The following CWC27 variants were observed in gnomAD, a reference collection of about 807,000 sequenced individuals.
CWC27 encodes CWC27 spliceosome associated cyclophilin.
Under a neutral mutation model 63.6 loss-of-function variants are expected in CWC27, and 47 were observed. That is an observed-to-expected ratio of 0.74 (90% CI 0.58 to 0.94). The LOEUF is 0.94. CWC27 is among the 40% of genes least tolerant of loss of function. CWC27 has a pLI of 0.00. For missense variants in CWC27, 495 were observed against 554.3 expected (o/e 0.89, Z 1.07); for synonymous variants, 175 against 179.8 (o/e 0.97, Z 0.22).
chr5:64,914,056 A>G (rs761578863), intron 11 of CWC27, among the ~76,000 whole-genome samples: 6 of 152,194 alleles, frequency 3.9e-5, no homozygotes, highest in Non-Finnish European at 8.8e-5. Context: ...CTGAAAAGCA[A>G]GGAAAAAGGA....
chr5:64,785,498 A>G lies in CWC27; in HGVS notation c.414A>G (p.Val138=), dbSNP rs762134607. 4 of 1,528,990 alleles carry G rather than the reference A, an allele frequency of 2.6e-6. No individual in the cohort carries two copies. The highest frequency in any genetic ancestry group is 3.5e-6 in the Non-Finnish European group (4 of 1,142,932). 94.7% of individuals were successfully genotyped at this position (1,528,990 alleles called of 1,614,324 possible). A position where few individuals can be genotyped will look rare whatever the true frequency, so the allele number is the denominator to read the frequency against. ...TTTGATAGGTTACAGGGGATACAGTATATAACATGTTGCGACTGTCAGAAG... is the reference window on the plus strand; with the variant it reads ...TTTGATAGGTTACAGGGGATACAGTGTATAACATGTTGCGACTGTCAGAAG... The part of the protein sequence containing the change: ...TIFGKVTGDT[V]YNMLRLSEVD... The change falls in exon 5 of 14, where the codon GTA becomes GTG. Residue 138 remains valine, a synonymous_variant. Transcript: ENST00000381070.
chr5:64,776,043 AAG>A (rs1417031640), intron 2 of CWC27, among the ~76,000 whole-genome samples: 3 of 146,368 alleles, frequency 2.0e-5, no homozygotes, highest in African/African-American at 7.8e-5. Flanking sequence ...CCCTCTCCAA[AAG>A]AGAGAGGTGG....
chr5:64,903,356 A>AT (rs1395073202), intron 11 of CWC27, among the ~76,000 whole-genome samples: 3 of 152,230 alleles, frequency 2.0e-5, no homozygotes, highest in Non-Finnish European at 4.4e-5. Context: ...TAAAAAAATA[A>AT]TCAGTTCATG....
chr5:64,809,447 A>C (rs1380417916), intron 10 of CWC27, among the ~76,000 whole-genome samples: 1 of 152,142 alleles, frequency 6.6e-6, no homozygotes, highest in African/African-American at 2.4e-5. Context: ...AGCTCACTGC[A>C]ACCTCTGCCT....
At chr5:64,772,456 T>C (rs912602280) in intron 1 of CWC27, among the ~76,000 whole-genome samples, 4 of 150,434 alleles carry the variant, frequency 2.7e-5, no homozygotes, top group African/African-American at 9.8e-5. Context: ...ACCCTGTCTC[T>C]ACTAAAAAAA....
At chr5:65,008,192 A>G (rs143144410) in intron 13 of CWC27, among the ~76,000 whole-genome samples, 2 of 152,394 alleles carry the variant, frequency 1.3e-5, no homozygotes, top group African/African-American at 2.4e-5. Context: ...CAAGTGTACC[A>G]TACTAATGTA....
Position 64,989,018 on chromosome 5 carries a change from C to G in CWC27, c.1256+11780C>G, listed in dbSNP as rs115676236. On this transcript the variant is annotated intron_variant, in intron 13 of 13. Transcript: ENST00000381070. ...CCCTTTACAGTCTCCTCAATACCTTCTATTGTCGTGGGCCTCCCCTTTTCT... is the reference window on the plus strand; with the variant it reads ...CCCTTTACAGTCTCCTCAATACCTTGTATTGTCGTGGGCCTCCCCTTTTCT... Among the ~76,000 whole-genome samples, 770 of 152,268 alleles carry G rather than the reference C, an allele frequency of 5.1e-3. 5 individuals carry two copies. Among genetic ancestry groups the G allele is most frequent in the African/African-American group, 0.018 (743 of 41,554 alleles).
At chr5:64,810,417 T>C in intron 10 of CWC27, among the ~76,000 whole-genome samples, 1 of 152,176 alleles carries the variant, frequency 6.6e-6, no homozygotes, top group East Asian at 1.9e-4. Flanking sequence ...GATTTTTTTT[T>C]CTATTTCTGT....
chr5:64,891,681 G>A (rs1747240989), intron 11 of CWC27, among the ~76,000 whole-genome samples: 1 of 152,000 alleles, frequency 6.6e-6, no homozygotes, highest in Admixed American at 6.6e-5. Context: ...ATTTTTATGA[G>A]CAATAAAAAA....
intron 11 of CWC27, among the ~76,000 whole-genome samples, chr5:64,970,149 A>G (rs1749091330): frequency 6.6e-6 from 1 of 152,038 alleles, no homozygotes; most frequent in Non-Finnish European, 1.5e-5. Context: ...AAATCTAACT[A>G]CTGTAGGATA....
intron 13 of CWC27, among the ~76,000 whole-genome samples, chr5:65,009,061 A>G (rs1749899928): frequency 6.6e-6 from 1 of 152,184 alleles, no homozygotes; most frequent in Non-Finnish European, 1.5e-5. Flanking sequence ...GAAGGATGGC[A>G]CCAGGATCTG....
intron 10 of CWC27, among the ~76,000 whole-genome samples, chr5:64,824,189 T>G (rs1745294004): frequency 6.6e-6 from 1 of 152,176 alleles, no homozygotes; most frequent in African/African-American, 2.4e-5. Context: ...ATCTATGTGT[T>G]TTTTAAATAT....
intron 10 of CWC27, among the ~76,000 whole-genome samples, chr5:64,868,290 A>T (rs1746578644): frequency 6.6e-6 from 1 of 151,476 alleles, no homozygotes; most frequent in South Asian, 2.1e-4. Flanking sequence ...AAAATACCTG[A>T]GTTTGTTTAT....
chr5:64,854,681 A>T (rs1431440800), intron 10 of CWC27, among the ~76,000 whole-genome samples: 1 of 152,218 alleles, frequency 6.6e-6, no homozygotes, highest in Non-Finnish European at 1.5e-5. Flanking sequence ...TGAAATAAAG[A>T]CACATCTTAG....
At chr5:65,000,625 C>A (rs1749715814) in intron 13 of CWC27, among the ~76,000 whole-genome samples, 1 of 152,006 alleles carries the variant, frequency 6.6e-6, no homozygotes, top group Non-Finnish European at 1.5e-5. Context: ...TGTTGAAAGT[C>A]AGTTGGCTGT....
chr5:64,864,176 T>G (rs1322124097), intron 10 of CWC27, among the ~76,000 whole-genome samples: 1 of 152,236 alleles, frequency 6.6e-6, no homozygotes, highest in Non-Finnish European at 1.5e-5. Flanking sequence ...CTTTATCTTT[T>G]ATGAGTATTA....
intron 10 of CWC27, among the ~76,000 whole-genome samples, chr5:64,867,144 C>T (rs967667213): frequency 6.6e-6 from 1 of 152,022 alleles, no homozygotes; most frequent in African/African-American, 2.4e-5. Flanking sequence ...GATATTCCTC[C>T]TTTTCACATA....
At chr5:64,800,535 C>A (rs560425470) in intron 8 of CWC27, among the ~76,000 whole-genome samples, 43 of 152,296 alleles carry the variant, frequency 2.8e-4, no homozygotes, top group African/African-American at 1.0e-3. Context: ...TTGCTCTCTA[C>A]CTCTGTTGAA....
At chr5:64,791,579 T>G (rs1320318118) in intron 7 of CWC27, among the ~76,000 whole-genome samples, 1 of 152,132 alleles carries the variant, frequency 6.6e-6, no homozygotes, top group Non-Finnish European at 1.5e-5. Context: ...TGAATATTAT[T>G]ATCCTAGTAT....
Sources: allele counts gnomAD v4.1 joint callset (sites outside exome capture counted in the v4.1 genomes callset), GRCh38; gene constraint gnomAD v4.1.1; transcripts MANE v1.5; gene names NCBI Gene and HGNC (gene_info 2026-07-23, HGNC 2026-07-21).